The following OR13A1 variants were observed in gnomAD, a reference collection of about 807,000 sequenced individuals.
The protein encoded by OR13A1 is olfactory receptor family 13 subfamily A member 1.
Under a neutral mutation model 7.5 loss-of-function variants are expected in OR13A1, and 10 were observed. The ratio of observed to expected loss-of-function variants is 1.34; its 90% CI spans 0.83 to 2.27. The LOEUF (loss-of-function observed/expected upper bound fraction) is 2.27. Ranked by LOEUF, OR13A1 falls within the 30% of genes most tolerant of loss-of-function variation. OR13A1 has a pLI of 0.00. For missense variants in OR13A1, 509 were observed against 419.1 expected (o/e 1.21, Z -1.87); for synonymous variants, 238 against 177.9 (o/e 1.34, Z -2.69).
At chr10:45,308,946 A>G (rs956470564) in intron 1 of OR13A1, 3 of 152,210 alleles carry the variant, frequency 2.0e-5, no homozygotes, top group Non-Finnish European at 4.4e-5. Flanking sequence ...TGCCTGTGGG[A>G]GACACTAGGG....
intron 1 of OR13A1, among the ~76,000 whole-genome samples, chr10:45,312,221 G>C (rs1268075011): frequency 6.6e-6 from 1 of 151,968 alleles, no homozygotes; most frequent in Non-Finnish European, 1.5e-5. Context: ...TTTTCTAAAT[G>C]TAATGAAAAA....
At chr10:45,315,383 C>G (rs1838504390) in intron 1 of OR13A1, 141 bp downstream of exon 1, 1 of 152,056 alleles carries the variant, frequency 6.6e-6, no homozygotes, top group Non-Finnish European at 1.5e-5. Flanking sequence ...AAGGACAAAA[C>G]AGCATGATCA....
At chr10:45,313,387 C>G (rs1357673005) in intron 1 of OR13A1, among the ~76,000 whole-genome samples, 2 of 151,796 alleles carry the variant, frequency 1.3e-5, no homozygotes, top group Non-Finnish European at 2.9e-5. Flanking sequence ...ACAAAATTTA[C>G]AAAACATACA....
At chr10:45,308,389 C>T (rs1838379055) in intron 1 of OR13A1, among the ~76,000 whole-genome samples, 1 of 152,098 alleles carries the variant, frequency 6.6e-6, no homozygotes, top group Non-Finnish European at 1.5e-5. Context: ...TTGGTTGCCT[C>T]CATAAATCCA....
In OR13A1 at chr10:45,304,327, C is replaced by T. The variant is rs1280916647; in HGVS notation, c.96G>A (p.Leu32=). The change falls in exon 4 of 4, where the codon CTG becomes CTA. Residue 32 remains leucine (L), a synonymous_variant. Coordinates refer to ENST00000553795, the MANE Select transcript of OR13A1 (RefSeq NM_001004297.3). The part of the protein sequence containing the change: ...SNQTLVTEFI[L]QGFSEHPEYR... Reference sequence around the variant, plus strand: ...ATTCTGGGTGCTCCGAAAAGCCCTGCAGGATGAACTCGGTTACCAACGTCT... The same window carrying T: ...ATTCTGGGTGCTCCGAAAAGCCCTGTAGGATGAACTCGGTTACCAACGTCT... 29 of 1,614,148 alleles carry T rather than the reference C, an allele frequency of 1.8e-5. No homozygotes were observed. Among genetic ancestry groups the T allele is most frequent in the Non-Finnish European group, 2.5e-5 (29 of 1,180,034 alleles).
rs1211164196 is a variant in OR13A1, at chr10:45,307,436, T to C, written c.-23A>G. On this transcript the variant is annotated 5_prime_UTR_variant, in exon 3 of 4. Coordinates refer to ENST00000553795, the MANE Select transcript of OR13A1 (RefSeq NM_001004297.3). ...CCCTCAGGTAATTACCCACTTATTGTGATTGGGTGGGGACAGGAGGACAGT... is the reference window on the plus strand; with the variant it reads ...CCCTCAGGTAATTACCCACTTATTGCGATTGGGTGGGGACAGGAGGACAGT... The C allele has an allele frequency of 3.9e-5, 6 of 152,194 alleles. No homozygotes were observed. The highest frequency in any genetic ancestry group is 7.3e-5 in the Non-Finnish European group (5 of 68,042). 9.4% of individuals were successfully genotyped at this position (152,194 alleles called of 1,614,324 possible).
intron 3 of OR13A1, among the ~76,000 whole-genome samples, chr10:45,305,602 C>A (rs1564533980): frequency 6.6e-6 from 1 of 152,186 alleles, no homozygotes. Flanking sequence ...TAAATGCTCC[C>A]AGCAACTTTT....
intron 1 of OR13A1, among the ~76,000 whole-genome samples, chr10:45,312,429 A>G (rs986996896): frequency 6.6e-6 from 1 of 152,108 alleles, no homozygotes; most frequent in Non-Finnish European, 1.5e-5. Flanking sequence ...AAGCAAGAAG[A>G]CAGTAGAGAA....
chr10:45,303,230 G>A lies in OR13A1; in HGVS notation c.*206C>T. 1.7e-6 allele frequency: 1 copy of A among 573,866 alleles called. No homozygotes were observed. Among genetic ancestry groups the A allele is most frequent in the Non-Finnish European group, 3.1e-6 (1 of 327,234 alleles). The allele number at this position is 573,866 out of a possible 1,614,324, so 35.5% of individuals were successfully genotyped here. A position where few individuals can be genotyped will look rare whatever the true frequency, so the allele number is the denominator to read the frequency against. Reference sequence around the variant, plus strand: ...ACACCACCTTGGAGTCAGACCAAGAGATCTGGTGTCTCAGAGGCTGGTGGG... The same window carrying A: ...ACACCACCTTGGAGTCAGACCAAGAAATCTGGTGTCTCAGAGGCTGGTGGG... On this transcript the variant is annotated 3_prime_UTR_variant, in exon 4 of 4. Transcript: ENST00000553795.
chr10:45,311,610 A>T (rs1405335033), intron 1 of OR13A1, among the ~76,000 whole-genome samples: 2 of 152,186 alleles, frequency 1.3e-5, no homozygotes, highest in African/African-American at 2.4e-5. Flanking sequence ...AATGACAAAA[A>T]TAAGAGAACT....
chr10:45,308,184 A>G (rs1564534888), intron 1 of OR13A1, among the ~76,000 whole-genome samples: 1 of 152,364 alleles, frequency 6.6e-6, no homozygotes, highest in African/African-American at 2.4e-5. Flanking sequence ...AAAAATCAGA[A>G]CATGCCAGAA....
In OR13A1 at chr10:45,303,527, A is replaced by G. The variant is rs1195512390; in HGVS notation, c.896T>C (p.Leu299Pro). 1.9e-6 allele frequency: 3 copies of G among 1,614,148 alleles called. No individual in the cohort carries two copies. Among genetic ancestry groups the G allele is most frequent in the Admixed American group, 3.3e-5 (2 of 60,020 alleles). The change falls in exon 4 of 4, where the codon CTG becomes CCG. Residue 299 changes from leucine (L) to proline (P), a missense_variant. Leu to Pro is a moderately conservative substitution (Grantham distance 98). Coordinates refer to ENST00000553795, the MANE Select transcript of OR13A1 (RefSeq NM_001004297.3). ...SKLAGLLYTV[L>P]SPTLNPLIYT... is the part of the protein sequence containing the mutation. ...GATGAGGGGGTTGAGGGTAGGACTC[A>G]GCACAGTGTACAGCAGGCCAGCCAA...
At position 45,302,802 on chromosome 10, in the gene OR13A1, G is replaced by C. The variant is rs891178347; in HGVS notation, c.*634C>G. The C allele has an allele frequency of 6.6e-6, 1 of 152,182 alleles. No homozygotes were observed. Among genetic ancestry groups the C allele is most frequent in the Non-Finnish European group, 1.5e-5 (1 of 68,050 alleles). The allele number at this position is 152,182 out of a possible 1,614,324, so 9.4% of individuals were successfully genotyped here. On this transcript the variant is annotated 3_prime_UTR_variant, in exon 4 of 4. Coordinates refer to ENST00000553795, the MANE Select transcript of OR13A1 (RefSeq NM_001004297.3). ...GAGCTGACTCATGGCAGCTGTCCTC[G>C]CTCCAGGCCAATTAGGTAGGTCAGA...
At chr10:45,311,490 T>C (rs887412588) in intron 1 of OR13A1, among the ~76,000 whole-genome samples, 18 of 152,170 alleles carry the variant, frequency 1.2e-4, no homozygotes, top group African/African-American at 4.3e-4. Flanking sequence ...TAGGTATCCA[T>C]ATTGCGACAG....
In OR13A1 at chr10:45,303,521, G is replaced by C; in HGVS notation, c.902C>G (p.Pro301Arg). 6.2e-7 allele frequency: 1 copy of C among 1,614,116 alleles called. No homozygotes were observed. Among genetic ancestry groups the C allele is most frequent in the South Asian group, 1.1e-5 (1 of 91,088 alleles). ...AGTATAGATGAGGGGGTTGAGGGTAGGACTCAGCACAGTGTACAGCAGGCC... is the reference window on the plus strand; with the variant it reads ...AGTATAGATGAGGGGGTTGAGGGTACGACTCAGCACAGTGTACAGCAGGCC... ...LAGLLYTVLS[P>R]TLNPLIYTLR... The change falls in exon 4 of 4, where the codon CCT becomes CGT. Residue 301 changes from proline (P) to arginine (R), a missense_variant. Pro to Arg is a moderately radical substitution (Grantham distance 103). Transcript: ENST00000553795.
In OR13A1 at chr10:45,307,780, A is replaced by G. The variant is rs1351440527; in HGVS notation, c.-196T>C. On this transcript the variant is annotated 5_prime_UTR_variant, in exon 2 of 4. An upstream start codon of the reference 5' UTR is lost. Coordinates refer to ENST00000553795, the MANE Select transcript of OR13A1 (RefSeq NM_001004297.3). ...TATTCGAACAGCGGTTATTTTCCAC[A>G]TTTATCAAACCCTTGGGCACTCAAG... 3 of 152,230 alleles carry G rather than the reference A, an allele frequency of 2.0e-5. No individual in the cohort carries two copies. Among genetic ancestry groups the G allele is most frequent in the African/African-American group, 7.2e-5 (3 of 41,462 alleles). 9.4% of individuals were successfully genotyped at this position (152,230 alleles called of 1,614,324 possible).
At position 45,302,727 on chromosome 10, in the gene OR13A1, A is replaced by T. The variant is rs1838230274; in HGVS notation, c.*709T>A. 1 of 152,248 alleles carries T rather than the reference A, an allele frequency of 6.6e-6. No homozygotes were observed. The highest frequency in any genetic ancestry group is 2.1e-4 in the South Asian group (1 of 4,832). The allele number at this position is 152,248 out of a possible 1,614,324, so 9.4% of individuals were successfully genotyped here. On this transcript the variant is annotated 3_prime_UTR_variant, in exon 4 of 4. Transcript: ENST00000553795. ...GGATTCGTTCACCCAGTTTTATCTG[A>T]AACAATGGAAGGATAGCAATGCCTT...
Position 45,315,514 on chromosome 10 carries a change from G to T in OR13A1, c.-225+10C>A, listed in dbSNP as rs1227581541. 1 of 151,922 alleles carries T rather than the reference G, an allele frequency of 6.6e-6. No homozygotes were observed. Among genetic ancestry groups the T allele is most frequent in the African/African-American group, 2.4e-5 (1 of 41,384 alleles). 9.4% of individuals were successfully genotyped at this position (151,922 alleles called of 1,614,324 possible). A position where few individuals can be genotyped will look rare whatever the true frequency, so the allele number is the denominator to read the frequency against. On this transcript the variant is annotated intron_variant, in intron 1 of 3. Transcript: ENST00000553795. ...AAGGCCATATATGAAAAATCCACAG[G>T]TAAACTTACACTCAATGGTAAAAGA...
rs141842306 is a variant in OR13A1, at chr10:45,302,891, A to C, written c.*545T>G. ...AAGCAGAAACAACAGTTTGCATTAAAATCAAACTATTTTTGAAGTCCAAGT... is the reference window on the plus strand; with the variant it reads ...AAGCAGAAACAACAGTTTGCATTAACATCAAACTATTTTTGAAGTCCAAGT... On this transcript the variant is annotated 3_prime_UTR_variant, in exon 4 of 4. Transcript: ENST00000553795. 6.5e-6 allele frequency: 1 copy of C among 152,684 alleles called. No homozygotes were observed. The highest frequency in any genetic ancestry group is 1.9e-4 in the East Asian group (1 of 5,188). 9.5% of individuals were successfully genotyped at this position (152,684 alleles called of 1,614,324 possible).
Sources: allele counts gnomAD v4.1 joint callset (sites outside exome capture counted in the v4.1 genomes callset), GRCh38; gene constraint gnomAD v4.1.1; transcripts MANE v1.5; gene names NCBI Gene and HGNC (gene_info 2026-07-23, HGNC 2026-07-21).